Variants in PLEKHG4B observed in about 807,000 individuals in gnomAD.
PLEKHG4B encodes pleckstrin homology and RhoGEF domain containing G4B.
PLEKHG4B carries 111 observed loss-of-function variants against 121.3 expected under a neutral mutation model. That is an observed-to-expected ratio of 0.92 (90% confidence interval 0.78 to 1.07). The LOEUF (loss-of-function observed/expected upper bound fraction) is 1.07, where lower values mean the gene tolerates loss of function less well. Ranked by LOEUF, PLEKHG4B falls within the 50% of genes least tolerant of loss-of-function variation. The pLI is 0.00. For missense variants in PLEKHG4B, 1,831 were observed against 1,757.8 expected (o/e 1.04, Z -0.74); for synonymous variants, 738 against 725.0 (o/e 1.02, Z -0.29).
At position 173,029 on chromosome 5, in the gene PLEKHG4B, G is replaced by A. The variant is rs1736619968; in HGVS notation, c.4183G>A (p.Gly1395Ser). The A allele has an allele frequency of 6.2e-7, 1 of 1,613,968 alleles. No individual in the cohort carries two copies. Among genetic ancestry groups the A allele is most frequent in the African/African-American group, 1.3e-5 (1 of 74,896 alleles). ...GTTTAGCAAGACCCAGAAGGTGGAGGGCAGCCACGACGTCTACCTGTACAA... is the reference window on the plus strand; with the variant it reads ...GTTTAGCAAGACCCAGAAGGTGGAGAGCAGCCACGACGTCTACCTGTACAA... ...ILFSKTQKVE[G>S]SHDVYLYKQS... Residue 1395 changes from glycine to serine, a missense_variant, in exon 17 of 20, where the codon GGC becomes AGC. Coordinates refer to ENST00000637938, the MANE Select transcript of PLEKHG4B (RefSeq NM_052909.5).
chr5:111,733 C>T (rs1041559528), intron 1 of PLEKHG4B, among the ~76,000 whole-genome samples: 8 of 152,292 alleles, frequency 5.3e-5, no homozygotes, highest in African/African-American at 1.7e-4. Context: ...CATTTCAGCT[C>T]GTGCAGAACA....
chr5:171,105 C>T lies in PLEKHG4B; in HGVS notation c.3792C>T (p.Leu1264=), dbSNP rs762345908. The change falls in exon 15 of 20, where the codon CTC becomes CTT. Residue 1264 remains leucine, a synonymous_variant. Transcript: ENST00000637938. ...SKNKPQSDAL[L]SSHGNAFFKD... is the part of the protein sequence containing the mutation. ...ACAAGCCGCAGTCGGATGCCCTGCT[C>T]AGCAGCCATGGCAACGCCTTCTTCA... 1 of 1,613,540 alleles carries T rather than the reference C, an allele frequency of 6.2e-7. No homozygotes were observed.
Position 140,239 on chromosome 5 carries a change from A to T in PLEKHG4B, c.1000A>T (p.Ser334Cys), listed in dbSNP as rs1331801195. ...LTFHTDLGIP[S>C]SRRRPPGDPT... Reference sequence around the variant, plus strand: ...CTTCCACACAGACCTGGGCATCCCGAGCAGCAGGAGGCGGCCGCCGGGGGA... The same window carrying T: ...CTTCCACACAGACCTGGGCATCCCGTGCAGCAGGAGGCGGCCGCCGGGGGA... The change falls in exon 3 of 20, where the codon AGC (serine) becomes TGC (cysteine). Residue 334 changes from serine (S) to cysteine (C), a missense_variant. Physicochemically the swap from Ser to Cys is moderately radical, Grantham distance 112 (BLOSUM62 -1). Transcript: ENST00000637938. 1 of 1,434,332 alleles carries T rather than the reference A, an allele frequency of 7.0e-7. No individual in the cohort carries two copies. The highest frequency in any genetic ancestry group is 9.2e-7 in the Non-Finnish European group (1 of 1,084,602). The allele number at this position is 1,434,332 out of a possible 1,614,324, so 88.9% of individuals were successfully genotyped here.
intron 1 of PLEKHG4B, among the ~76,000 whole-genome samples, chr5:96,412 AGTT>A (rs1733628547): frequency 6.6e-6 from 1 of 152,370 alleles, no homozygotes; most frequent in Middle Eastern, 3.4e-3. Context: ...ATTATTTTCA[AGTT>A]GTTTATACTC....
intron 2 of PLEKHG4B, among the ~76,000 whole-genome samples, chr5:134,076 A>AATAT (rs67940117): frequency 0.012 from 492 of 40,218 alleles, 2 homozygotes; most frequent in East Asian, 0.025. Flanking sequence ...TATATGATAG[A>AATAT]ATATATATAT....
At chr5:150,865 A>G (rs1452493285) in intron 6 of PLEKHG4B, among the ~76,000 whole-genome samples, 1 of 152,220 alleles carries the variant, frequency 6.6e-6, no homozygotes, top group Admixed American at 6.5e-5. Context: ...TATCCAAGAG[A>G]AATGAAAACT....
In PLEKHG4B at chr5:113,797, A is replaced by C. The variant is rs552556559; in HGVS notation, c.243+349A>C. ...GGCCCACCTGGAAGGGACTGTACTG[A>C]GCACTTCAGAGCTAAGTTACTGCAG... On this transcript the variant is annotated intron_variant, in intron 2 of 19. Transcript: ENST00000637938. This position sits in a 1 kb window ranked among gnomAD's most constrained non-coding sequence, Gnocchi z 5.2. 9.0e-4 allele frequency among the ~76,000 whole-genome samples: 137 copies of C among 152,092 alleles called. No homozygotes were observed. The highest frequency in any genetic ancestry group is 3.0e-3 in the African/African-American group (125 of 41,484).
In PLEKHG4B at chr5:154,383, GC is replaced by G. The variant is rs559593424; in HGVS notation, c.1993-490del. 1.1e-4 allele frequency among the ~76,000 whole-genome samples: 16 copies of G among 152,208 alleles called. No individual in the cohort carries two copies. In the East Asian group the frequency reaches 2.7e-3, roughly 26 times the overall value. On this transcript the variant is annotated intron_variant, in intron 7 of 19. Coordinates refer to ENST00000637938, the MANE Select transcript of PLEKHG4B (RefSeq NM_052909.5). ...GATGCCTGTTTTCTGTTGGAGCTCA[GC>G]CACTCCCACACGCGGGCAGCGGCCC...
intron 1 of PLEKHG4B, among the ~76,000 whole-genome samples, chr5:98,841 T>G (rs1230880289): frequency 7.0e-6 from 1 of 143,360 alleles, no homozygotes; most frequent in Admixed American, 6.8e-5. Flanking sequence ...ATTTTCCTTT[T>G]TTTTTTTTTT....
In PLEKHG4B at chr5:163,385, A is replaced by T. The variant is rs149261804; in HGVS notation, c.3313A>T (p.Ser1105Cys). Residue 1105 changes from serine to cysteine, a missense_variant, in exon 13 of 20, where the codon AGT (serine) becomes TGT (cysteine). Transcript: ENST00000637938. ...PRDSCQPDHT[S>C]VFSKGLEVTS... ...GGACTCCTGCCAGCCAGACCATACT[A>T]GTGTCTTCAGCAAGGGCCTGGAGGT... The T allele has an allele frequency of 1.9e-6, 3 of 1,613,018 alleles. No homozygotes were observed. The African/African-American group carries it at 4.0e-5, about 22-fold the overall frequency.
chr5:125,789 A>G (rs1734596237), intron 2 of PLEKHG4B, among the ~76,000 whole-genome samples: 1 of 152,192 alleles, frequency 6.6e-6, no homozygotes, highest in African/African-American at 2.4e-5. Context: ...GGGTGGGTCT[A>G]GTGGTAACAA....
Position 156,280 on chromosome 5 carries a change from G to A in PLEKHG4B, c.2348+70G>A. 7.5e-7 allele frequency: 1 copy of A among 1,325,472 alleles called. No homozygotes were observed. The highest frequency in any genetic ancestry group is 9.7e-7 in the Non-Finnish European group (1 of 1,028,670). 82.1% of individuals were successfully genotyped at this position (1,325,472 alleles called of 1,614,324 possible). A position where few individuals can be genotyped will look rare whatever the true frequency, so the allele number is the denominator to read the frequency against. ...AGCTGCTCGGGGGAGTTTGCACCAG[G>A]AGGCGTAGCGCTCTGCTCCAAGGAG... is the stretch of plus-strand genomic sequence containing the variant. On this transcript the variant is annotated intron_variant, in intron 10 of 19. Transcript: ENST00000637938. The surrounding 1 kb of genome is among the most constrained non-coding windows in gnomAD (Gnocchi z 4.4).
At chr5:164,457 A>ACC (rs1736170379) in intron 13 of PLEKHG4B, among the ~76,000 whole-genome samples, 1 of 127,206 alleles carries the variant, frequency 7.9e-6, no homozygotes, top group Non-Finnish European at 1.6e-5. Flanking sequence ...GGCGGGGCTC[A>ACC]CAGTAATGTT....
intron 2 of PLEKHG4B, among the ~76,000 whole-genome samples, chr5:132,683 G>C (rs1677051152): frequency 6.6e-6 from 1 of 152,106 alleles, no homozygotes; most frequent in African/African-American, 2.4e-5. Flanking sequence ...TGTTTGCTTT[G>C]AGGAAGATCA....
In PLEKHG4B at chr5:175,373, C is replaced by T. The variant is rs546388420; in HGVS notation, c.4402+1275C>T. ...CTCTGTGCTTATTCCTCCAGCCTGG[C>T]GGCTGCGAACACCACCTTCACAGCA... On this transcript the variant is annotated intron_variant, in intron 18 of 19. Coordinates refer to ENST00000637938, the MANE Select transcript of PLEKHG4B (RefSeq NM_052909.5). 1.5e-4 allele frequency among the ~76,000 whole-genome samples: 23 copies of T among 152,234 alleles called. No homozygotes were observed. In the South Asian group the frequency reaches 1.7e-3, roughly 11 times the overall value.
In PLEKHG4B at chr5:164,305, A is replaced by T. The variant is rs117604821; in HGVS notation, c.3476+757A>T. On this transcript the variant is annotated intron_variant, in intron 13 of 19. Coordinates refer to ENST00000637938, the MANE Select transcript of PLEKHG4B (RefSeq NM_052909.5). Reference sequence around the variant, plus strand: ...CATTAGTTAGATTCTCATAAGGAGCACGAAACCTAGATCCCTCACATGTGC... The same window carrying T: ...CATTAGTTAGATTCTCATAAGGAGCTCGAAACCTAGATCCCTCACATGTGC... Among the ~76,000 whole-genome samples, 60 of 152,360 alleles carry T rather than the reference A, an allele frequency of 3.9e-4. No homozygotes were observed. The East Asian group carries it at 0.011, about 27-fold the overall frequency.
chr5:137,630 G>C lies in PLEKHG4B; in HGVS notation c.244-1853G>C, dbSNP rs1216500652. On this transcript the variant is annotated intron_variant, in intron 2 of 19. Coordinates refer to ENST00000637938, the MANE Select transcript of PLEKHG4B (RefSeq NM_052909.5). The surrounding 1 kb of genome is among the most constrained non-coding windows in gnomAD (Gnocchi z 4.2). Reference sequence around the variant, plus strand: ...TGTGGGAGGGCAAAAGGCATGAAAGGCTCCAACACCCTCCCATTTCTGTTT... The same window carrying C: ...TGTGGGAGGGCAAAAGGCATGAAAGCCTCCAACACCCTCCCATTTCTGTTT... 6.6e-6 allele frequency among the ~76,000 whole-genome samples: 1 copy of C among 152,194 alleles called. No individual in the cohort carries two copies.
chr5:162,423 C>A (rs538512576), intron 12 of PLEKHG4B, among the ~76,000 whole-genome samples: 1 of 152,222 alleles, frequency 6.6e-6, no homozygotes, highest in African/African-American at 2.4e-5. Flanking sequence ...TGCCCCGTCA[C>A]GCCTCTCTCA....
At chr5:147,145 G>A (rs1216801969) in intron 6 of PLEKHG4B, among the ~76,000 whole-genome samples, 1 of 152,248 alleles carries the variant, frequency 6.6e-6, no homozygotes, top group Non-Finnish European at 1.5e-5. Context: ...GTCACTGGGA[G>A]GAGAGAGCAC....
Sources: gnomAD v4.1 joint callset for allele counts (sites outside exome capture counted in the v4.1 genomes callset) on GRCh38, gnomAD v4.1.1 for gene constraint, Gnocchi (gnomAD v3.1) non-coding constraint, MANE v1.5 for transcripts, NCBI Gene and HGNC (gene_info 2026-07-23, HGNC 2026-07-21) for gene names.